PDE4B: variants seen among roughly 807,000 people sequenced by gnomAD.
PDE4B encodes the protein phosphodiesterase 4B.
A neutral mutation model predicts 82.2 loss-of-function variants in PDE4B; 20 were observed. That is an observed-to-expected ratio of 0.24 (90% CI 0.17 to 0.35). The LOEUF is 0.35. PDE4B is among the 10% of genes least tolerant of loss of function. The probability of loss-of-function intolerance (pLI) is 1.00; values close to 1 mark genes in which losing one functional copy is unlikely to be tolerated. For missense variants in PDE4B, 655 were observed against 907.2 expected (o/e 0.72, Z 3.57); for synonymous variants, 320 against 318.9 (o/e 1.00, Z -0.04).
At chr1:66,095,348 A>G (rs1198735798) in intron 3 of PDE4B, among the ~76,000 whole-genome samples, 2 of 151,902 alleles carry the variant, frequency 1.3e-5, no homozygotes, top group Admixed American at 6.6e-5. Flanking sequence ...TAAATGATGT[A>G]TTGTGTCTAA....
intron 3 of PDE4B, among the ~76,000 whole-genome samples, chr1:65,981,445 A>G (rs1285263954): frequency 1.3e-5 from 2 of 152,110 alleles, no homozygotes; most frequent in Non-Finnish European, 2.9e-5. Flanking sequence ...AATTATGGAG[A>G]AACAATTCTA....
chr1:66,300,704 A>C (rs764674657), intron 7 of PDE4B, among the ~76,000 whole-genome samples: 1 of 152,122 alleles, frequency 6.6e-6, no homozygotes, highest in East Asian at 1.9e-4. Flanking sequence ...TGAACTCAAG[A>C]TCTTTACCCT....
intron 3 of PDE4B, among the ~76,000 whole-genome samples, chr1:66,012,882 G>T (rs557094621): frequency 6.6e-6 from 1 of 152,098 alleles, no homozygotes; most frequent in Non-Finnish European, 1.5e-5. Context: ...GTCAGGCAAT[G>T]CTCTAACTAA....
intron 7 of PDE4B, among the ~76,000 whole-genome samples, chr1:66,291,057 T>C (rs1384202117): frequency 6.6e-6 from 1 of 152,098 alleles, no homozygotes; most frequent in East Asian, 1.9e-4. Context: ...AGCTCATAAA[T>C]GAAGAAGGGA....
chr1:66,026,757 G>A (rs992791646), intron 3 of PDE4B, among the ~76,000 whole-genome samples: 10 of 152,136 alleles, frequency 6.6e-5, no homozygotes, highest in African/African-American at 2.4e-4. Flanking sequence ...ATTTCTGTAA[G>A]CTTTATTTCA....
chr1:65,867,133 A>G (rs1364946355), intron 1 of PDE4B, among the ~76,000 whole-genome samples: 1 of 152,178 alleles, frequency 6.6e-6, no homozygotes, highest in African/African-American at 2.4e-5. Flanking sequence ...ATTGAGGTAC[A>G]TTATAGTATT....
rs146974356 is a variant in PDE4B at position 66,130,704 on chromosome 1, A to G, written c.282-116756A>G. Among the ~76,000 whole-genome samples, 33 of 152,300 alleles carry G rather than the reference A, an allele frequency of 2.2e-4. No homozygotes were observed. The East Asian group carries it at 6.0e-3, about 28-fold the overall frequency. On this transcript the variant is annotated intron_variant, in intron 3 of 16. Coordinates refer to ENST00000341517, the MANE Select transcript of PDE4B (RefSeq NM_002600.4). The stretch of plus-strand genomic sequence containing the variant: ...TATACCCTATACTCAATTTTGAACT[A>G]TACTCAATTTTGAACATCGCTGAAG...
At chr1:65,870,307 G>A (rs995750820) in intron 1 of PDE4B, among the ~76,000 whole-genome samples, 5 of 152,026 alleles carry the variant, frequency 3.3e-5, no homozygotes, top group Non-Finnish European at 7.4e-5. Context: ...AATCATGTCT[G>A]GATGCTCACA....
At chr1:66,360,510 C>T (rs1203391721) in intron 9 of PDE4B, 1 of 152,206 alleles carries the variant, frequency 6.6e-6, no homozygotes, top group East Asian at 1.9e-4. Flanking sequence ...AAGTTGTCTT[C>T]CTACTAATTT....
chr1:66,301,682 A>G (rs1657908486), intron 7 of PDE4B, among the ~76,000 whole-genome samples: 1 of 152,212 alleles, frequency 6.6e-6, no homozygotes, highest in African/African-American at 2.4e-5. Flanking sequence ...TAACAATTAC[A>G]TAAAAATACT....
At chr1:66,167,089 A>C (rs1252995648) in intron 3 of PDE4B, among the ~76,000 whole-genome samples, 2 of 152,228 alleles carry the variant, frequency 1.3e-5, no homozygotes, top group Non-Finnish European at 2.9e-5. Context: ...TGGAACTCTC[A>C]TACATTTCTG....
chr1:66,350,560 T>C (rs770823605), intron 8 of PDE4B, among the ~76,000 whole-genome samples: 1 of 152,108 alleles, frequency 6.6e-6, no homozygotes, highest in Non-Finnish European at 1.5e-5. Flanking sequence ...TAGAAGAAGC[T>C]CTTTCATGGG....
intron 3 of PDE4B, among the ~76,000 whole-genome samples, chr1:66,026,867 G>A (rs1653466365): frequency 6.6e-6 from 1 of 152,192 alleles, no homozygotes; most frequent in Admixed American, 6.5e-5. Flanking sequence ...TCCTGAGGGA[G>A]GGTGTGTGCG....
chr1:65,987,629 G>T (rs1247324319), intron 3 of PDE4B, among the ~76,000 whole-genome samples: 5 of 151,018 alleles, frequency 3.3e-5, no homozygotes, highest in Admixed American at 2.6e-4. Context: ...ATTTTTTTTT[G>T]AGATGGAGTC....
At chr1:66,090,621 A>ATATATATATGTGTGTGTG in intron 3 of PDE4B, among the ~76,000 whole-genome samples, 1,396 of 122,354 alleles carry the variant, frequency 0.011, 57 homozygotes, top group African/African-American at 0.031. Context: ...TATATAATAT[A>ATATATATATGTGTGTGTG]TGTGTGTGTG....
chr1:65,904,108 A>G (rs1647001815), intron 1 of PDE4B, among the ~76,000 whole-genome samples: 1 of 152,194 alleles, frequency 6.6e-6, no homozygotes, highest in Non-Finnish European at 1.5e-5. Flanking sequence ...TTCCCAAGAA[A>G]GGAAAAAAAG....
intron 3 of PDE4B, among the ~76,000 whole-genome samples, chr1:66,185,003 C>T (rs1165799208): frequency 1.1e-4 from 16 of 152,188 alleles, no homozygotes; most frequent in African/African-American, 3.9e-4. Context: ...TCCCACCCCA[C>T]AACAGGCCCT....
At chr1:66,030,602 A>G (rs1337798635) in intron 3 of PDE4B, among the ~76,000 whole-genome samples, 2 of 152,154 alleles carry the variant, frequency 1.3e-5, no homozygotes, top group Non-Finnish European at 2.9e-5. Flanking sequence ...TGACTCAGCA[A>G]TCCACTACTG....
chr1:66,162,305 C>CTT (rs1168144080), intron 3 of PDE4B, among the ~76,000 whole-genome samples: 539 of 40,234 alleles, frequency 0.013, 77 homozygotes, highest in African/African-American at 0.039. Flanking sequence ...ATGGACTTCT[C>CTT]TTTTTTTTTT....
Sources: gnomAD v4.1 joint callset for allele counts (sites outside exome capture counted in the v4.1 genomes callset) on GRCh38, gnomAD v4.1.1 for gene constraint, MANE v1.5 for transcripts, NCBI Gene and HGNC (gene_info 2026-07-23, HGNC 2026-07-21) for gene names.